PEX5L: variants seen among roughly 807,000 people sequenced by gnomAD.
PEX5L encodes the protein peroxisomal biogenesis factor 5 like.
PEX5L carries 30 observed loss-of-function variants against 84.0 expected under a neutral mutation model. That is an observed-to-expected ratio of 0.36 (90% CI 0.27 to 0.48). PEX5L has a LOEUF of 0.48. Among genes scored for constraint, PEX5L ranks in the 20% least tolerant of loss-of-function variants. The pLI, the probability that PEX5L is intolerant of heterozygous loss-of-function variation, is 0.99. For missense variants in PEX5L, 533 were observed against 754.6 expected, an observed-to-expected ratio of 0.71 and a Z score of 3.44; for synonymous variants, 270 against 283.1, an observed-to-expected ratio of 0.95 and a Z score of 0.46.
chr3:179,988,135 C>A (rs1169632938), intron 1 of PEX5L, among the ~76,000 whole-genome samples: 2 of 152,088 alleles, frequency 1.3e-5, no homozygotes, highest in African/African-American at 4.8e-5. Context: ...CATGGTGGCT[C>A]ACGCCTGTAA....
At chr3:179,916,901 C>G (rs539169343) in intron 2 of PEX5L, among the ~76,000 whole-genome samples, 20 of 151,954 alleles carry the variant, frequency 1.3e-4, no homozygotes, top group Admixed American at 9.8e-4. Context: ...AACTTCTGAC[C>G]TCAGGTGATC....
intron 10 of PEX5L, 119 bp from the exon 11 acceptor site, chr3:179,811,990 G>A (rs1389130492): frequency 1.2e-5 from 9 of 770,356 alleles, no homozygotes; most frequent in Admixed American, 2.0e-5. Flanking sequence ...ATATGTGAGC[G>A]CTATATAAAA....
At chr3:179,998,168 T>C (rs1788069864) in intron 1 of PEX5L, among the ~76,000 whole-genome samples, 2 of 152,212 alleles carry the variant, frequency 1.3e-5, no homozygotes, top group African/African-American at 4.8e-5. Flanking sequence ...TGTCGAGGTA[T>C]TCCTTCTAAG....
rs71182526 is a variant in PEX5L, at chr3:179,954,215, GAAA to G, written c.93+17376_93+17378del. On this transcript the variant is annotated intron_variant, in intron 2 of 14. Coordinates refer to ENST00000467460, the MANE Select transcript of PEX5L (RefSeq NM_016559.3). Reference sequence around the variant, plus strand: ...AATTAACCATTAGTCGGGGGGGGGGGAAAAAGTCAGCCATGAGTAAAAGGGCTT... The same window carrying G: ...AATTAACCATTAGTCGGGGGGGGGGGAAGTCAGCCATGAGTAAAAGGGCTT... Among the ~76,000 whole-genome samples the G allele has an allele frequency of 7.7e-4, 108 of 140,068 alleles. 1 individual carries two copies. The highest frequency in any genetic ancestry group is 2.7e-3 in the African/African-American group (99 of 36,052). 91.9% of individuals were successfully genotyped at this position (140,068 alleles called of 152,430 possible).
At chr3:179,976,178 C>A (rs988397757) in intron 1 of PEX5L, among the ~76,000 whole-genome samples, 2 of 152,084 alleles carry the variant, frequency 1.3e-5, no homozygotes, top group African/African-American at 2.4e-5. Context: ...GGAGTGGTCA[C>A]GATGCAGGTG....
At chr3:179,989,967 T>A (rs1787232104) in intron 1 of PEX5L, among the ~76,000 whole-genome samples, 1 of 152,204 alleles carries the variant, frequency 6.6e-6, no homozygotes, top group African/African-American at 2.4e-5. Flanking sequence ...AACATTCACA[T>A]GGAGGGCACT....
chr3:179,841,999 TG>T (rs1268859292), intron 8 of PEX5L, among the ~76,000 whole-genome samples: 5 of 152,240 alleles, frequency 3.3e-5, no homozygotes, highest in African/African-American at 1.2e-4. Context: ...CATACTTTAG[TG>T]GATTTATGTA....
intron 2 of PEX5L, among the ~76,000 whole-genome samples, chr3:179,906,199 T>G (rs1249823423): frequency 1.3e-5 from 2 of 152,230 alleles, no homozygotes; most frequent in Non-Finnish European, 2.9e-5. Context: ...TTGAGAGGAT[T>G]AAACATTCCC....
intron 7 of PEX5L, among the ~76,000 whole-genome samples, chr3:179,872,831 T>C (rs1454353315): frequency 6.6e-6 from 1 of 152,262 alleles, no homozygotes; most frequent in Admixed American, 6.5e-5. Context: ...ATCTCTACTG[T>C]ACTTATCATG....
chr3:179,817,163 G>A (rs560100979), intron 9 of PEX5L, among the ~76,000 whole-genome samples: 1 of 152,266 alleles, frequency 6.6e-6, no homozygotes, highest in South Asian at 2.1e-4. Context: ...CCTGTTGGGG[G>A]CTATATTGCC....
intron 1 of PEX5L, among the ~76,000 whole-genome samples, chr3:179,982,207 T>C (rs1198360425): frequency 2.0e-5 from 3 of 152,204 alleles, no homozygotes; most frequent in Admixed American, 2.0e-4. Context: ...ATCCTCTCAC[T>C]CAATGTTATC....
chr3:179,932,799 C>A (rs1359169584), intron 2 of PEX5L, among the ~76,000 whole-genome samples: 3 of 152,072 alleles, frequency 2.0e-5, no homozygotes, highest in South Asian at 2.1e-4. Context: ...AATATGCATG[C>A]ATTGTGGAAT....
intron 4 of PEX5L, among the ~76,000 whole-genome samples, chr3:179,883,473 C>T (rs1355483094): frequency 6.6e-6 from 1 of 152,196 alleles, no homozygotes; most frequent in African/African-American, 2.4e-5. Flanking sequence ...TAAGGCAGCA[C>T]AGGACAGTGG....
chr3:180,002,711 T>C (rs1005901827), intron 1 of PEX5L, among the ~76,000 whole-genome samples: 18 of 152,260 alleles, frequency 1.2e-4, no homozygotes, highest in South Asian at 8.3e-4. Flanking sequence ...TCAAGAAATA[T>C]ATTTTCTTCA....
chr3:180,035,723 G>A (rs1717765595), intron 1 of PEX5L, among the ~76,000 whole-genome samples: 1 of 152,268 alleles, frequency 6.6e-6, no homozygotes, highest in Admixed American at 6.5e-5. Flanking sequence ...GACCATCTTT[G>A]GAATGGAAAG....
intron 2 of PEX5L, among the ~76,000 whole-genome samples, chr3:179,957,653 C>G (rs1578966062): frequency 6.6e-6 from 1 of 152,186 alleles, no homozygotes; most frequent in South Asian, 2.1e-4. Context: ...CAGAAAGCTG[C>G]TCAACAAATA....
chr3:179,996,234 G>A (rs759806748), intron 1 of PEX5L, among the ~76,000 whole-genome samples: 1 of 152,140 alleles, frequency 6.6e-6, no homozygotes, highest in African/African-American at 2.4e-5. Context: ...GAAAAGAGCT[G>A]CTTGAGTTTT....
At chr3:179,992,347 T>C (rs1472254651) in intron 1 of PEX5L, among the ~76,000 whole-genome samples, 1 of 152,182 alleles carries the variant, frequency 6.6e-6, no homozygotes, top group African/African-American at 2.4e-5. Flanking sequence ...TCAAGAAAGG[T>C]TGAATGATTT....
intron 12 of PEX5L, 55 bp downstream of exon 12, chr3:179,809,416 G>T (rs1372531142): frequency 2.2e-6 from 3 of 1,348,524 alleles, no homozygotes; most frequent in African/African-American, 1.4e-5. Flanking sequence ...CCCTTTAGGT[G>T]ATTCATTGTA....
Sources: gnomAD v4.1 joint callset for allele counts (sites outside exome capture counted in the v4.1 genomes callset) on GRCh38, gnomAD v4.1.1 for gene constraint, MANE v1.5 for transcripts, NCBI Gene and HGNC (gene_info 2026-07-23, HGNC 2026-07-21) for gene names.